SPOCK1: variants seen among roughly 807,000 people sequenced by gnomAD.
The protein encoded by SPOCK1 is SPARC (osteonectin), cwcv and kazal like domains proteoglycan 1, also known as testican-1.
SPOCK1 carries 23 observed loss-of-function variants against 55.3 expected under a neutral mutation model. The ratio of observed to expected loss-of-function variants is 0.42; its 90% CI spans 0.30 to 0.59. The LOEUF is 0.59. SPOCK1 is among the 20% of genes least tolerant of loss of function. The pLI is 0.22. For missense variants in SPOCK1, 499 were observed against 552.5 expected, an observed-to-expected ratio of 0.90 and a Z score of 0.97; for synonymous variants, 226 against 221.0, an observed-to-expected ratio of 1.02 and a Z score of -0.20.
intron 2 of SPOCK1, chr5:137,273,470 C>T (rs1215089189): frequency 1.4e-5 from 11 of 760,724 alleles, no homozygotes; most frequent in Non-Finnish European, 1.8e-5. Flanking sequence ...TTGATAATTG[C>T]ATCAAATTTT....
intron 3 of SPOCK1, among the ~76,000 whole-genome samples, chr5:137,198,054 A>G (rs1384358171): frequency 6.6e-6 from 1 of 152,142 alleles, no homozygotes; most frequent in African/African-American, 2.4e-5. Context: ...TGACATCAGT[A>G]TTTTTCTGTT....
Position 137,183,461 on chromosome 5 carries a change from G to C in SPOCK1, c.233-42767C>G, listed in dbSNP as rs752107799. ...AGAAAGTTTATTCAAGGAAATAACA[G>C]TGTAAGTGTCTGGGTCAGTGGTTCT... On this transcript the variant is annotated intron_variant, in intron 3 of 10. Transcript: ENST00000394945. Among the ~76,000 whole-genome samples, 51 of 152,222 alleles carry C rather than the reference G, an allele frequency of 3.4e-4. 1 individual carries two copies. Among genetic ancestry groups the C allele is most frequent in the South Asian group, 2.1e-4 (1 of 4,834 alleles).
At chr5:137,184,519 G>A (rs1157835447) in intron 3 of SPOCK1, among the ~76,000 whole-genome samples, 2 of 152,162 alleles carry the variant, frequency 1.3e-5, no homozygotes, top group Non-Finnish European at 2.9e-5. Flanking sequence ...CTAAGCTGCT[G>A]GGCAAGTAGC....
intron 3 of SPOCK1, among the ~76,000 whole-genome samples, chr5:137,261,914 T>C (rs1368286598): frequency 6.6e-6 from 1 of 152,200 alleles, no homozygotes; most frequent in Non-Finnish European, 1.5e-5. Flanking sequence ...AGAGAACCTG[T>C]TAGTGTTCCA....
At chr5:137,314,404 C>A (rs1266641347) in intron 2 of SPOCK1, among the ~76,000 whole-genome samples, 1 of 152,150 alleles carries the variant, frequency 6.6e-6, no homozygotes, top group Non-Finnish European at 1.5e-5. Context: ...TTAGAAGTGA[C>A]ACATGATTCC....
At chr5:137,289,802 G>C (rs185816119) in intron 2 of SPOCK1, among the ~76,000 whole-genome samples, 51 of 152,206 alleles carry the variant, frequency 3.4e-4, no homozygotes, top group Non-Finnish European at 6.6e-4. Context: ...CTTGCATATA[G>C]AACTTATACC....
At chr5:137,143,587 T>G (rs560043102) in intron 3 of SPOCK1, among the ~76,000 whole-genome samples, 81 of 152,314 alleles carry the variant, frequency 5.3e-4, no homozygotes, top group African/African-American at 1.9e-3. Context: ...GTGGTTGTCA[T>G]GAACATTTAA....
chr5:137,049,007 T>A lies in SPOCK1; in HGVS notation c.589+18708A>T, dbSNP rs1191395305. Among the ~76,000 whole-genome samples, 1,236 of 138,356 alleles carry A rather than the reference T, an allele frequency of 8.9e-3. 21 individuals are homozygous for A. The highest frequency in any genetic ancestry group is 0.032 in the African/African-American group (1,174 of 37,038). The allele number at this position is 138,356 out of a possible 152,430, so 90.8% of individuals were successfully genotyped here. ...GGCTTGTAGGGTTTCTGCCGAGAGATCCGCTGTTAGTCTGATGGGCTTTCC... is the reference window on the plus strand; with the variant it reads ...GGCTTGTAGGGTTTCTGCCGAGAGAACCGCTGTTAGTCTGATGGGCTTTCC... On this transcript the variant is annotated intron_variant, in intron 6 of 10. Transcript: ENST00000394945.
intron 4 of SPOCK1, among the ~76,000 whole-genome samples, chr5:137,132,853 G>T (rs945410430): frequency 2.0e-5 from 3 of 152,106 alleles, no homozygotes; most frequent in African/African-American, 7.2e-5. Flanking sequence ...GAGATGCCAA[G>T]CTCCCAGGGC....
intron 3 of SPOCK1, among the ~76,000 whole-genome samples, chr5:137,180,579 C>A (rs1754952398): frequency 6.6e-6 from 1 of 152,160 alleles, no homozygotes; most frequent in Non-Finnish European, 1.5e-5. Flanking sequence ...TCAGGACTGA[C>A]AATGACCTGT....
Position 137,112,420 on chromosome 5 carries a change from G to C in SPOCK1, c.474+15C>G. 1 of 1,608,508 alleles carries C rather than the reference G, an allele frequency of 6.2e-7. No individual in the cohort carries two copies. Among genetic ancestry groups the C allele is most frequent in the Non-Finnish European group, 8.5e-7 (1 of 1,178,628 alleles). On this transcript the variant is annotated intron_variant, in intron 5 of 10. Coordinates refer to ENST00000394945, the MANE Select transcript of SPOCK1 (RefSeq NM_004598.4). ...TGAAGTATTTTTGATAACATAAAAA[G>C]ACAAGAAAACCAACCTTGGATGTGT...
chr5:137,119,758 TAAC>T (rs1753652970), intron 4 of SPOCK1, among the ~76,000 whole-genome samples: 1 of 152,194 alleles, frequency 6.6e-6, no homozygotes, highest in African/African-American at 2.4e-5. Flanking sequence ...TATGTAATAA[TAAC>T]AATAACAGCA....
intron 2 of SPOCK1, among the ~76,000 whole-genome samples, chr5:137,486,178 G>GC (rs1438072225): frequency 6.6e-6 from 1 of 152,114 alleles, no homozygotes; most frequent in Non-Finnish European, 1.5e-5. Flanking sequence ...GATTGTACAG[G>GC]CCAGCACCTT....
intron 5 of SPOCK1, among the ~76,000 whole-genome samples, chr5:137,084,055 T>C (rs1216504977): frequency 6.6e-6 from 1 of 152,122 alleles, no homozygotes; most frequent in African/African-American, 2.4e-5. Context: ...CTCTTTGTGT[T>C]ACCAGGATTA....
At chr5:137,019,913 A>C (rs935958713) in intron 6 of SPOCK1, among the ~76,000 whole-genome samples, 1 of 152,042 alleles carries the variant, frequency 6.6e-6, no homozygotes, top group Non-Finnish European at 1.5e-5. Context: ...ATAATGCCAT[A>C]TAAGTTAGAG....
chr5:137,335,332 A>G (rs1321534109), intron 2 of SPOCK1, among the ~76,000 whole-genome samples: 1 of 152,248 alleles, frequency 6.6e-6, no homozygotes, highest in Non-Finnish European at 1.5e-5. Context: ...GCATCAGCAC[A>G]CATTGGCTTC....
intron 3 of SPOCK1, among the ~76,000 whole-genome samples, chr5:137,230,719 T>C (rs1242087657): frequency 6.6e-6 from 1 of 152,176 alleles, no homozygotes; most frequent in African/African-American, 2.4e-5. Context: ...CCTGATCACA[T>C]CACATCATAT....
rs79663565 is a variant in SPOCK1, at chr5:137,164,975, C to T, written c.233-24281G>A. ...TCCCAGATGGCACCTCTGGACCTGC[C>T]CAGGTCCTGGGGGAACTCGCCACCC... is the stretch of plus-strand genomic sequence containing the variant. On this transcript the variant is annotated intron_variant, in intron 3 of 10. Coordinates refer to ENST00000394945, the MANE Select transcript of SPOCK1 (RefSeq NM_004598.4). Among the ~76,000 whole-genome samples the T allele has an allele frequency of 1.8e-3, 273 of 152,286 alleles. 2 individuals carry two copies. In the East Asian group the frequency reaches 0.019, roughly 11 times the overall value.
chr5:137,116,493 A>C (rs1215729446), intron 4 of SPOCK1, among the ~76,000 whole-genome samples: 1 of 152,020 alleles, frequency 6.6e-6, no homozygotes, highest in African/African-American at 2.4e-5. Flanking sequence ...AAAAATACAA[A>C]AAATTAGCTG....
Sources: gnomAD v4.1 joint callset for allele counts (sites outside exome capture counted in the v4.1 genomes callset) on GRCh38, gnomAD v4.1.1 for gene constraint, MANE v1.5 for transcripts, NCBI Gene and HGNC (gene_info 2026-07-23, HGNC 2026-07-21) for gene names.